ATP10B: variants seen among roughly 807,000 people sequenced by gnomAD.
ATP10B encodes the protein ATPase phospholipid transporting 10B (putative).
A neutral mutation model predicts 141.2 loss-of-function variants in ATP10B; 122 were observed. That is an observed-to-expected ratio of 0.86 (90% CI 0.75 to 1.00). The LOEUF is 1.00. Ranked by LOEUF, ATP10B falls within the 50% of genes least tolerant of loss-of-function variation. The pLI is 0.00. For synonymous variants in ATP10B, 685 were observed against 692.0 expected (o/e 0.99, Z 0.16); for missense variants, 1,876 against 1,825.3 (o/e 1.03, Z -0.51).
At chr5:160,782,625 C>A (rs1368573327) in intron 2 of ATP10B, among the ~76,000 whole-genome samples, 2 of 152,002 alleles carry the variant, frequency 1.3e-5, no homozygotes, top group Non-Finnish European at 2.9e-5. Context: ...AAAGAGACAG[C>A]AATATGTGCA....
intron 3 of ATP10B, among the ~76,000 whole-genome samples, chr5:160,705,738 A>G (rs1358239512): frequency 6.6e-6 from 1 of 152,176 alleles, no homozygotes; most frequent in Non-Finnish European, 1.5e-5. Context: ...CTTTCTTACC[A>G]TTTGTGTATT....
Position 160,636,259 on chromosome 5 carries a change from G to T in ATP10B, c.1051C>A (p.Pro351Thr). ...TFEEHPPFDV[P>T]DANGSFLPSA... ...GGAAGGAAGCTGCCATTGGCATCTG[G>T]CACATCGAAGGGAGGGTGTTCTTCA... Residue 351 changes from proline to threonine, a missense_variant, in exon 11 of 26, where the codon CCA (proline) becomes ACA (threonine). Pro to Thr is a conservative substitution (Grantham distance 38). Coordinates refer to ENST00000327245, the MANE Select transcript of ATP10B (RefSeq NM_025153.3). 1.2e-6 allele frequency: 2 copies of T among 1,613,668 alleles called. No individual in the cohort carries two copies. Among genetic ancestry groups the T allele is most frequent in the East Asian group, 2.2e-5 (1 of 44,830 alleles).
In ATP10B at chr5:160,688,134, G is replaced by A. The variant is rs767849951; in HGVS notation, c.-20-40C>T. On this transcript the variant is annotated intron_variant, in intron 4 of 25. Transcript: ENST00000327245. Reference sequence around the variant, plus strand: ...AGGAGGAGCTATGTTTAGGAGAAACGTGCAGCATGTTGGCCTGTTCATTTC... The same window carrying A: ...AGGAGGAGCTATGTTTAGGAGAAACATGCAGCATGTTGGCCTGTTCATTTC... 14 of 1,566,354 alleles carry A rather than the reference G, an allele frequency of 8.9e-6. 1 individual carries two copies. The highest frequency in any genetic ancestry group is 5.3e-5 in the Admixed American group (3 of 56,960).
intron 2 of ATP10B, among the ~76,000 whole-genome samples, chr5:160,785,184 C>A (rs959636655): frequency 1.8e-4 from 27 of 152,200 alleles, no homozygotes; most frequent in African/African-American, 6.5e-4. Flanking sequence ...ACCTCTCTTA[C>A]CTTGGGACTT....
At position 160,569,503 on chromosome 5, in the gene ATP10B, G is replaced by T. The variant is rs1376226488; in HGVS notation, c.3931C>A (p.Leu1311Ile). Residue 1311 changes from leucine to isoleucine, a missense_variant, in exon 25 of 26, where the codon CTC becomes ATC. Transcript: ENST00000327245. ...VCFLTPVVALLPRYFFLSLQG... is the reference protein window; with the variant it reads ...VCFLTPVVALIPRYFFLSLQG... ...CAGCCCTAGTGCTCAAACCTTGGGA[G>T]AAGAGCAACAACTGGTGTGAGAAAG... The T allele has an allele frequency of 6.2e-7, 1 of 1,613,678 alleles. No individual in the cohort carries two copies. The highest frequency in any genetic ancestry group is 8.5e-7 in the Non-Finnish European group (1 of 1,179,822).
chr5:160,612,236 A>C (rs1242886804), intron 18 of ATP10B: 1 of 152,254 alleles, frequency 6.6e-6, no homozygotes, highest in Non-Finnish European at 1.5e-5. Flanking sequence ...TGAAAATTTA[A>C]GCTCTGAATA....
rs1455881860 is a variant in ATP10B at position 160,563,901 on chromosome 5, G to T, written c.*1552C>A. On this transcript the variant is annotated 3_prime_UTR_variant, in exon 26 of 26. Transcript: ENST00000327245. ...GCAGGATTCCTCCAAATACCCACCA[G>T]CTGGCTAGTGCTGGCATCATTATAT... 3 of 152,226 alleles carry T rather than the reference G, an allele frequency of 2.0e-5. No homozygotes were observed. Among genetic ancestry groups the T allele is most frequent in the Non-Finnish European group, 2.9e-5 (2 of 68,050 alleles). 9.4% of individuals were successfully genotyped at this position (152,226 alleles called of 1,614,324 possible). A position where few individuals can be genotyped will look rare whatever the true frequency, so the allele number is the denominator to read the frequency against.
chr5:160,795,836 G>T (rs1351811205), intron 1 of ATP10B, among the ~76,000 whole-genome samples: 2 of 152,078 alleles, frequency 1.3e-5, no homozygotes, highest in East Asian at 3.9e-4. Flanking sequence ...CTCCCCTACA[G>T]CCCCCAGAGG....
intron 3 of ATP10B, among the ~76,000 whole-genome samples, chr5:160,705,799 C>A (rs1764980200): frequency 6.6e-6 from 1 of 152,200 alleles, no homozygotes; most frequent in Admixed American, 6.5e-5. Context: ...TTTGCATTCA[C>A]AACTTGGTCA....
chr5:160,700,874 A>G (rs980077877), intron 3 of ATP10B, among the ~76,000 whole-genome samples: 1 of 152,052 alleles, frequency 6.6e-6, no homozygotes, highest in African/African-American at 2.4e-5. Flanking sequence ...TTACCCCTAC[A>G]TCTGCACTTG....
intron 6 of ATP10B, among the ~76,000 whole-genome samples, chr5:160,678,596 G>T (rs1017018140): frequency 2.0e-5 from 3 of 152,190 alleles, no homozygotes; most frequent in African/African-American, 4.8e-5. Context: ...GGCAGAGGTT[G>T]CAGTGAGTCA....
At chr5:160,816,513 G>A (rs527396500) in intron 1 of ATP10B, among the ~76,000 whole-genome samples, 2 of 152,154 alleles carry the variant, frequency 1.3e-5, no homozygotes, top group Admixed American at 1.3e-4. Context: ...ATAATTAATA[G>A]CTTACCAACC....
chr5:160,654,899 G>GA (rs1411610153), intron 7 of ATP10B, among the ~76,000 whole-genome samples: 8 of 152,236 alleles, frequency 5.3e-5, no homozygotes, highest in South Asian at 2.1e-4. Flanking sequence ...GAGGCTTAGG[G>GA]AAAATCTGTG....
In ATP10B at chr5:160,794,782, C is replaced by T. The variant is rs762404304; in HGVS notation, c.-575-8979G>A. On this transcript the variant is annotated intron_variant, in intron 1 of 25. Transcript: ENST00000327245. ...TCAAGTCTCATCTAAATTTCACAGACCTTTTCTTATTCCTCTACTTAAAGT... is the reference window on the plus strand; with the variant it reads ...TCAAGTCTCATCTAAATTTCACAGATCTTTTCTTATTCCTCTACTTAAAGT... Among the ~76,000 whole-genome samples the T allele has an allele frequency of 4.1e-4, 62 of 152,206 alleles. 1 individual carries two copies. Among genetic ancestry groups the T allele is most frequent in the Non-Finnish European group, 3.7e-4 (25 of 68,032 alleles).
intron 2 of ATP10B, among the ~76,000 whole-genome samples, chr5:160,754,573 TG>T (rs1768382282): frequency 6.6e-6 from 1 of 152,242 alleles, no homozygotes; most frequent in Non-Finnish European, 1.5e-5. Flanking sequence ...GACTCTAAAA[TG>T]ATTGGTGTAA....
chr5:160,634,249 C>T, intron 12 of ATP10B, 105 bp downstream of exon 12: 1 of 1,534,338 alleles, frequency 6.5e-7, no homozygotes, highest in Non-Finnish European at 9.0e-7. Context: ...AAATGCCACA[C>T]AGCCTCTAAG....
intron 8 of ATP10B, among the ~76,000 whole-genome samples, chr5:160,648,229 A>C (rs1345093698): frequency 6.6e-6 from 1 of 152,234 alleles, no homozygotes; most frequent in Non-Finnish European, 1.5e-5. Flanking sequence ...TGTTATAGCA[A>C]GCTTGTCCAA....
At chr5:160,864,548 G>T in the ATP10B span, among the ~76,000 whole-genome samples, 2 of 151,100 alleles carry the variant, frequency 1.3e-5, no homozygotes, top group African/African-American at 4.9e-5. Flanking sequence ...ACTTCTATTC[G>T]ACATAGTACT....
At chr5:160,878,367 T>G in the ATP10B span, among the ~76,000 whole-genome samples, 341 of 151,798 alleles carry the variant, frequency 2.2e-3, 1 homozygote, top group African/African-American at 7.9e-3. Flanking sequence ...CCTTACACCT[T>G]ATACAAAAAT....
Sources: allele counts gnomAD v4.1 joint callset (sites outside exome capture counted in the v4.1 genomes callset), GRCh38; gene constraint gnomAD v4.1.1; transcripts MANE v1.5; gene names NCBI Gene and HGNC (gene_info 2026-07-23, HGNC 2026-07-21).